Variants in HPSE2 observed in about 807,000 individuals in gnomAD.
HPSE2 encodes the protein inactive heparanase-2.
A neutral mutation model predicts 60.5 loss-of-function variants in HPSE2; 38 were observed. The observed-to-expected ratio is 0.63, with a 90% CI of 0.48 to 0.82. The LOEUF (loss-of-function observed/expected upper bound fraction) is 0.82, where lower values mean the gene tolerates loss of function less well. Among genes scored for constraint, HPSE2 ranks in the 40% least tolerant of loss-of-function variants. The probability of loss-of-function intolerance (pLI) is 0.00; values close to 1 mark genes in which losing one functional copy is unlikely to be tolerated. For synonymous variants in HPSE2, 295 were observed against 293.2 expected (o/e 1.01, Z -0.06); for missense variants, 713 against 740.4 (o/e 0.96, Z 0.43).
chr10:98,803,802 C>A (rs745730136), intron 3 of HPSE2, among the ~76,000 whole-genome samples: 1 of 150,974 alleles, frequency 6.6e-6, no homozygotes, highest in African/African-American at 2.4e-5. Flanking sequence ...CTTGGCGATG[C>A]GGGCTCTTTT....
intron 11 of HPSE2, among the ~76,000 whole-genome samples, chr10:98,475,120 ATT>A (rs56097343): frequency 4.2e-5 from 6 of 141,310 alleles, no homozygotes; most frequent in Admixed American, 7.1e-5. Context: ...CCACAATTCT[ATT>A]TTTTTTTTTT....
chr10:98,923,414 AC>A (rs1954343171), intron 3 of HPSE2, among the ~76,000 whole-genome samples: 1 of 152,048 alleles, frequency 6.6e-6, no homozygotes, highest in Admixed American at 6.6e-5. Flanking sequence ...AACTTCTTCT[AC>A]TTGAATGTTG....
At chr10:98,482,059 A>G (rs946579821) in intron 11 of HPSE2, among the ~76,000 whole-genome samples, 1 of 152,204 alleles carries the variant, frequency 6.6e-6, no homozygotes, top group Non-Finnish European at 1.5e-5. Context: ...CTGTCCTATT[A>G]TTCAGATGAA....
At chr10:98,487,332 A>G (rs1381194462) in intron 10 of HPSE2, among the ~76,000 whole-genome samples, 1 of 152,208 alleles carries the variant, frequency 6.6e-6, no homozygotes. Flanking sequence ...AGCACTCTAC[A>G]AGATCAGAAA....
At chr10:98,868,633 A>G (rs1176145362) in intron 3 of HPSE2, among the ~76,000 whole-genome samples, 2 of 152,168 alleles carry the variant, frequency 1.3e-5, no homozygotes, top group Non-Finnish European at 2.9e-5. Flanking sequence ...TACACCTACT[A>G]TGTATCTACA....
chr10:99,222,999 T>C (rs1849362828), intron 2 of HPSE2, among the ~76,000 whole-genome samples: 2 of 152,192 alleles, frequency 1.3e-5, no homozygotes, highest in African/African-American at 2.4e-5. Flanking sequence ...GGACAATGCA[T>C]GATTCAAAGA....
At position 98,458,051 on chromosome 10, in the gene HPSE2, C is replaced by T. The variant is rs4917833; in HGVS notation, c.*1523G>A. The T allele has an allele frequency of 0.38, 58,123 of 152,024 alleles. 12,017 individuals carry two copies. The highest frequency in any genetic ancestry group is 0.54 in the East Asian group (2,777 of 5,148). 9.4% of individuals were successfully genotyped at this position (152,024 alleles called of 1,614,324 possible). A position where few individuals can be genotyped will look rare whatever the true frequency, so the allele number is the denominator to read the frequency against. ...GTTCTCCAAGCTCAGAATTCTCTCC[C>T]TCCTCTTTGGTCTAATCTCCCTTCC... is the stretch of plus-strand genomic sequence containing the variant. On this transcript the variant is annotated 3_prime_UTR_variant, in exon 12 of 12. Coordinates refer to ENST00000370552, the MANE Select transcript of HPSE2 (RefSeq NM_021828.5).
chr10:99,309,513 A>C, the HPSE2 span, among the ~76,000 whole-genome samples: 3 of 152,230 alleles, frequency 2.0e-5, no homozygotes, highest in African/African-American at 7.2e-5. Flanking sequence ...GCTAAAATGA[A>C]AAGGACAGAA....
chr10:99,026,535 G>A (rs138525335), intron 3 of HPSE2, among the ~76,000 whole-genome samples: 38 of 152,130 alleles, frequency 2.5e-4, no homozygotes, highest in Non-Finnish European at 4.9e-4. Flanking sequence ...TGGAAACTTC[G>A]ACACCACACT....
intron 3 of HPSE2, among the ~76,000 whole-genome samples, chr10:98,824,794 A>G (rs950938538): frequency 1.3e-5 from 2 of 152,214 alleles, no homozygotes; most frequent in African/African-American, 4.8e-5. Flanking sequence ...AGTCACAGGT[A>G]GCTGCTGTTG....
intron 3 of HPSE2, among the ~76,000 whole-genome samples, chr10:99,095,436 A>G (rs997548132): frequency 6.6e-6 from 1 of 152,196 alleles, no homozygotes; most frequent in Admixed American, 6.5e-5. Context: ...TCAACCATTT[A>G]AACTGTAGAA....
At chr10:98,660,025 C>A (rs1287907650) in intron 6 of HPSE2, among the ~76,000 whole-genome samples, 1 of 152,152 alleles carries the variant, frequency 6.6e-6, no homozygotes, top group Admixed American at 6.5e-5. Context: ...ACTTTGGTTG[C>A]AGCATCATTA....
chr10:99,039,477 T>C (rs1345688257), intron 3 of HPSE2, among the ~76,000 whole-genome samples: 4 of 151,486 alleles, frequency 2.6e-5, no homozygotes, highest in Non-Finnish European at 5.9e-5. Flanking sequence ...GTAAAGTCCT[T>C]TAAAAATGAA....
chr10:99,000,143 T>C (rs1956744395), intron 3 of HPSE2, among the ~76,000 whole-genome samples: 1 of 152,064 alleles, frequency 6.6e-6, no homozygotes, highest in South Asian at 2.1e-4. Flanking sequence ...GAGGAGAGAA[T>C]CATTAGAACT....
At chr10:98,986,641 T>C (rs1956361647) in intron 3 of HPSE2, among the ~76,000 whole-genome samples, 1 of 139,192 alleles carries the variant, frequency 7.2e-6, no homozygotes, top group Admixed American at 7.4e-5. Flanking sequence ...ATAACTAAGA[T>C]CAGAGCAGAA....
At chr10:98,688,954 A>G (rs1948002534) in intron 6 of HPSE2, among the ~76,000 whole-genome samples, 1 of 149,882 alleles carries the variant, frequency 6.7e-6, no homozygotes, top group South Asian at 2.1e-4. Flanking sequence ...ATTGTTTCTG[A>G]TGTCAAATAA....
intron 3 of HPSE2, among the ~76,000 whole-genome samples, chr10:99,035,037 C>G (rs1415714350): frequency 6.6e-6 from 1 of 152,146 alleles, no homozygotes; most frequent in Non-Finnish European, 1.5e-5. Context: ...TTATTGTACA[C>G]TACTGTAGAG....
intron 5 of HPSE2, among the ~76,000 whole-genome samples, chr10:98,711,843 T>G (rs1220286936): frequency 6.6e-6 from 1 of 152,136 alleles, no homozygotes; most frequent in South Asian, 2.1e-4. Context: ...TAAAGAATTA[T>G]TTGAGGTCTT....
chr10:99,305,973 G>GCACACACACACA, the HPSE2 span, among the ~76,000 whole-genome samples: 259 of 44,014 alleles, frequency 5.9e-3, 1 homozygote, highest in African/African-American at 0.018. Flanking sequence ...GCGCGCGCGC[G>GCACACACACACA]CGCGCGCACA....
Sources: allele counts gnomAD v4.1 joint callset (sites outside exome capture counted in the v4.1 genomes callset), GRCh38; gene constraint gnomAD v4.1.1; transcripts MANE v1.5; gene names NCBI Gene and HGNC (gene_info 2026-07-23, HGNC 2026-07-21).